TDRD12: variants seen among roughly 807,000 people sequenced by gnomAD.
The protein encoded by TDRD12 is tudor domain containing 12, also known as putative ATP-dependent RNA helicase TDRD12.
A neutral mutation model predicts 133.5 loss-of-function variants in TDRD12; 158 were observed. The ratio of observed to expected loss-of-function variants is 1.18; its 90% CI spans 1.04 to 1.35. The LOEUF (loss-of-function observed/expected upper bound fraction) is 1.35, where lower values mean the gene tolerates loss of function less well. TDRD12 is among the 40% of genes most tolerant of loss of function. TDRD12 has a pLI of 0.00. For missense variants in TDRD12, 1,443 were observed against 1,321.3 expected, an observed-to-expected ratio of 1.09 and a Z score of -1.43; for synonymous variants, 460 against 477.9, an observed-to-expected ratio of 0.96 and a Z score of 0.49.
intron 8 of TDRD12, among the ~76,000 whole-genome samples, chr19:32,771,027 G>A (rs1970429207): frequency 1.3e-5 from 2 of 152,194 alleles, no homozygotes; most frequent in South Asian, 2.1e-4. Context: ...GCTCACAGTT[G>A]TGCAAGCTGT....
At chr19:32,807,600 G>A in exon 22 of TDRD12, 7 of 1,535,244 alleles carry the variant, frequency 4.6e-6, no homozygotes, top group Non-Finnish European at 5.2e-6. Context: ...AAACGGACTT[G>A]CCCAGGAAAC....
In TDRD12 at chr19:32,826,764, G is replaced by T. The variant is rs543127909; in HGVS notation, c.1049+166G>T. On this transcript the variant is annotated intron_variant, in intron 9 of 9. Coordinates refer to the TDRD12 transcript ENST00000637289. The stretch of plus-strand genomic sequence containing the variant: ...CTTCCCCAAGGGTAAGGCATAGAGC[G>T]CCCACTCTCCGAGGGGTTGTAGGTT... 1 of 1,230,438 alleles carries T rather than the reference G, an allele frequency of 8.1e-7. No homozygotes were observed. Among genetic ancestry groups the T allele is most frequent in the Non-Finnish European group, 1.0e-6 (1 of 986,634 alleles). The allele number at this position is 1,230,438 out of a possible 1,614,324, so 76.2% of individuals were successfully genotyped here. A position where few individuals can be genotyped will look rare whatever the true frequency, so the allele number is the denominator to read the frequency against.
chr19:32,815,081 A>G (rs1194579027), intron 25 of TDRD12, among the ~76,000 whole-genome samples: 1 of 152,254 alleles, frequency 6.6e-6, no homozygotes, highest in Admixed American at 6.5e-5. Flanking sequence ...GCAGACGCTG[A>G]GCCTCAGGAG....
intron 13 of TDRD12, among the ~76,000 whole-genome samples, chr19:32,792,078 T>A (rs1442181847): frequency 6.6e-6 from 1 of 152,012 alleles, no homozygotes; most frequent in Non-Finnish European, 1.5e-5. Context: ...AAACCCCGTC[T>A]CTACTAAAAA....
downstream of TDRD12, chr19:32,826,040 A>G (rs1668476676): frequency 7.9e-7 from 1 of 1,258,116 alleles, no homozygotes; most frequent in Non-Finnish European, 1.1e-6. Context: ...ATATGTGTGT[A>G]CATGATGGAG....
intron 4 of TDRD12, among the ~76,000 whole-genome samples, chr19:32,744,103 T>C (rs1481192303): frequency 6.6e-6 from 1 of 152,174 alleles, no homozygotes; most frequent in African/African-American, 2.4e-5. Flanking sequence ...TTAGTCTTTT[T>C]CGTGGGTGGA....
At chr19:32,805,750 G>A (rs190915865) in intron 21 of TDRD12, among the ~76,000 whole-genome samples, 4,083 of 44,250 alleles carry the variant, frequency 0.092, 180 homozygotes, top group East Asian at 0.4. Context: ...TTTTTTTTTT[G>A]AGATGGAGTC....
chr19:32,788,235 G>T (rs1009765999), intron 11 of TDRD12, among the ~76,000 whole-genome samples: 81 of 151,644 alleles, frequency 5.3e-4, no homozygotes, highest in Non-Finnish European at 1.1e-3. Flanking sequence ...TGATTCTCCT[G>T]CCTCAGTCTG....
At chr19:32,804,551 G>A (rs73035342) in intron 21 of TDRD12, among the ~76,000 whole-genome samples, 16,173 of 151,524 alleles carry the variant, frequency 0.11, 1,079 homozygotes, top group Middle Eastern at 0.16. Flanking sequence ...AAATTAGCTG[G>A]GCGTGGTGGT....
intron 5 of TDRD12, 97 bp from the exon 6 acceptor site, chr19:32,749,687 A>T: frequency 2.2e-6 from 2 of 910,152 alleles, no homozygotes; most frequent in Non-Finnish European, 3.4e-6. Context: ...GGGCACTCTT[A>T]AGTGGTTAGC....
intron 11 of TDRD12, among the ~76,000 whole-genome samples, chr19:32,777,945 A>G (rs1160441852): frequency 7.4e-6 from 1 of 136,044 alleles, no homozygotes; most frequent in Non-Finnish European, 1.5e-5. Flanking sequence ...TCCTGGCCTC[A>G]AATGATTCTC....
rs1040167941 is a variant in TDRD12 at position 32,811,113 on chromosome 19, G to T, written c.2838-97G>T. On this transcript the variant is annotated intron_variant, in intron 23 of 27. Transcript: ENST00000444215. ...GTATAGAGTAAAATCATGGCGTTTT[G>T]GAGTCTTTTTATATGTTTTCCATTT... 2.3e-5 allele frequency: 22 copies of T among 952,580 alleles called. No homozygotes were observed. In the African/African-American group the frequency reaches 3.6e-4, roughly 15 times the overall value. 59.0% of individuals were successfully genotyped at this position (952,580 alleles called of 1,614,324 possible).
Position 32,786,443 on chromosome 19 carries a change from G to A in TDRD12, c.1122-4088G>A, listed in dbSNP as rs371690904. 1.1e-4 allele frequency among the ~76,000 whole-genome samples: 16 copies of A among 152,264 alleles called. 1 individual carries two copies. In the East Asian group the frequency reaches 2.5e-3, roughly 24 times the overall value. ...CGAAAGTATCTTTGTAGTGTTCTCT[G>A]TATTTCCTGAATTTGAATGTTGGCC... On this transcript the variant is annotated intron_variant, in intron 11 of 27. Coordinates refer to ENST00000444215, the Ensembl canonical transcript of TDRD12.
At chr19:32,803,193 GTGCACAGCTGT>G in intron 21 of TDRD12, 51 bp downstream of exon 21, 2 of 1,291,908 alleles carry the variant, frequency 1.5e-6, no homozygotes, top group Non-Finnish European at 2.1e-6. Flanking sequence ...CTGCAGTAAG[GTGCACAGCTGT>G]TGCAATGTGG....
At chr19:32,776,639 C>G (rs1273214317) in intron 10 of TDRD12, among the ~76,000 whole-genome samples, 1 of 152,188 alleles carries the variant, frequency 6.6e-6, no homozygotes, top group Non-Finnish European at 1.5e-5. Flanking sequence ...TGACTTCTCT[C>G]CCCTGCTGTT....
intron 4 of TDRD12, among the ~76,000 whole-genome samples, chr19:32,744,156 T>A (rs1240523911): frequency 1.3e-5 from 2 of 152,122 alleles, no homozygotes; most frequent in African/African-American, 4.8e-5. Flanking sequence ...CCCCTCTGTG[T>A]AGCCACTAGG....
At position 32,790,523 on chromosome 19, in the gene TDRD12, T is replaced by C; in HGVS notation, c.1122-8T>C. ...TTTCTTCACATTCTTCTTTTAACTA[T>C]CTTACAGATTACTGCAGTTTTTAAA... On this transcript the variant is annotated splice_polypyrimidine_tract_variant and splice_region_variant and intron_variant, in intron 11 of 27. Transcript: ENST00000444215. 6.4e-7 allele frequency: 1 copy of C among 1,551,112 alleles called. No homozygotes were observed. Among genetic ancestry groups the C allele is most frequent in the South Asian group, 1.2e-5 (1 of 83,992 alleles).
intron 1 of TDRD12, 47 bp from the exon 2 acceptor site, chr19:32,731,678 A>G (rs749091150): frequency 3.5e-6 from 5 of 1,446,150 alleles, no homozygotes; most frequent in Non-Finnish European, 4.6e-6. Context: ...TTGTGGTACT[A>G]CTTTTAAATC....
chr19:32,789,728 C>A (rs753197297), intron 11 of TDRD12, among the ~76,000 whole-genome samples: 9 of 152,306 alleles, frequency 5.9e-5, no homozygotes, highest in Non-Finnish European at 1.0e-4. Context: ...GGGCCGGGCG[C>A]AGTGGCTCAC....
Sources: allele counts gnomAD v4.1 joint callset (sites outside exome capture counted in the v4.1 genomes callset), GRCh38; gene constraint gnomAD v4.1.1; transcripts MANE v1.5; gene names NCBI Gene and HGNC (gene_info 2026-07-23, HGNC 2026-07-21).